PLCB1: variants seen among roughly 807,000 people sequenced by gnomAD.
The protein encoded by PLCB1 is 1-phosphatidylinositol 4,5-bisphosphate phosphodiesterase beta-1.
In PLCB1, 46 loss-of-function variants were observed where a neutral mutation model predicts 161.8. That is an observed-to-expected ratio of 0.28 (90% CI 0.22 to 0.36). PLCB1 has a LOEUF of 0.36. Among genes scored for constraint, PLCB1 ranks in the 10% least tolerant of loss-of-function variants. The pLI is 1.00. For missense variants in PLCB1, 1,016 were observed against 1,472.5 expected, an observed-to-expected ratio of 0.69 and a Z score of 5.07; for synonymous variants, 517 against 503.7, an observed-to-expected ratio of 1.03 and a Z score of -0.35.
chr20:8,462,961 A>G (rs1447471599), intron 3 of PLCB1, among the ~76,000 whole-genome samples: 1 of 152,042 alleles, frequency 6.6e-6, no homozygotes, highest in African/African-American at 2.4e-5. Context: ...ACCTTTCTAT[A>G]TTATTCCAAC....
At chr20:8,426,803 A>T (rs1290088009) in intron 3 of PLCB1, among the ~76,000 whole-genome samples, 2 of 152,238 alleles carry the variant, frequency 1.3e-5, no homozygotes, top group African/African-American at 4.8e-5. Context: ...ATAAACCTCA[A>T]ATATATACAA....
intron 31 of PLCB1, among the ~76,000 whole-genome samples, chr20:8,865,193 A>G (rs1352168050): frequency 1.3e-5 from 2 of 152,196 alleles, no homozygotes; most frequent in African/African-American, 4.8e-5. Context: ...AGAGATAAAC[A>G]TTGATGGAAA....
chr20:8,402,504 A>C (rs777936586), intron 3 of PLCB1, among the ~76,000 whole-genome samples: 1 of 152,040 alleles, frequency 6.6e-6, no homozygotes, highest in Non-Finnish European at 1.5e-5. Context: ...TTTTGACATA[A>C]TATTATGTAT....
intron 4 of PLCB1, among the ~76,000 whole-genome samples, chr20:8,638,131 C>T (rs535611799): frequency 6.6e-6 from 1 of 152,224 alleles, no homozygotes; most frequent in South Asian, 2.1e-4. Context: ...CCTGACCTCA[C>T]AATCCGCCCA....
At chr20:8,462,083 A>G (rs1324984569) in intron 3 of PLCB1, among the ~76,000 whole-genome samples, 3 of 151,902 alleles carry the variant, frequency 2.0e-5, no homozygotes, top group Non-Finnish European at 2.9e-5. Context: ...TATATATATA[A>G]ACGTATATAT....
chr20:8,223,182 T>C (rs1442519817), intron 2 of PLCB1, among the ~76,000 whole-genome samples: 2 of 152,188 alleles, frequency 1.3e-5, no homozygotes, highest in African/African-American at 4.8e-5. Context: ...ATGGAAGCCA[T>C]AGTTGCCCTG....
chr20:8,244,989 G>A (rs550608350), intron 2 of PLCB1, among the ~76,000 whole-genome samples: 11 of 151,162 alleles, frequency 7.3e-5, no homozygotes, highest in Admixed American at 7.3e-4. Context: ...TTGGAGGGGG[G>A]GATGTATGAC....
intron 3 of PLCB1, among the ~76,000 whole-genome samples, chr20:8,437,091 G>A (rs897761820): frequency 2.9e-4 from 44 of 152,036 alleles, no homozygotes; most frequent in African/African-American, 1.0e-3. Context: ...AGCCTGGTCC[G>A]TAACCATGGA....
chr20:8,401,738 A>T (rs1202551429), intron 3 of PLCB1, among the ~76,000 whole-genome samples: 1 of 152,204 alleles, frequency 6.6e-6, no homozygotes, highest in Non-Finnish European at 1.5e-5. Context: ...AAACAGCTAG[A>T]GAATCAAAGA....
Position 8,601,004 on chromosome 20 carries a change from ACTCC to A in PLCB1, c.247-27287_247-27284del, listed in dbSNP as rs1449475003. ...CACTGACCTGCGCCCACTGTCTGGC[ACTCC>A]CTAGTGAGATGAACCCGGTACCTCA... On this transcript the variant is annotated intron_variant, in intron 3 of 31. Coordinates refer to ENST00000338037, the MANE Select transcript of PLCB1 (RefSeq NM_015192.4). Among the ~76,000 whole-genome samples, 4 of 152,012 alleles carry A rather than the reference ACTCC, an allele frequency of 2.6e-5. No individual in the cohort carries two copies. The East Asian group carries it at 7.8e-4, about 30-fold the overall frequency.
intron 12 of PLCB1, among the ~76,000 whole-genome samples, chr20:8,710,490 G>C (rs981249702): frequency 2.8e-5 from 4 of 141,032 alleles, no homozygotes; most frequent in African/African-American, 1.0e-4. Flanking sequence ...TTATAGTTTC[G>C]ACTTGAGGAT....
chr20:8,598,558 GA>G (rs1987419191), intron 3 of PLCB1, among the ~76,000 whole-genome samples: 2 of 125,502 alleles, frequency 1.6e-5, no homozygotes, highest in South Asian at 3.0e-4. Context: ...GTGTGGTGCT[GA>G]AAAAAATGTA....
At chr20:8,434,384 A>G (rs1266472305) in intron 3 of PLCB1, among the ~76,000 whole-genome samples, 1 of 152,164 alleles carries the variant, frequency 6.6e-6, no homozygotes, top group African/African-American at 2.4e-5. Context: ...AAATCATAAA[A>G]TAATAATAAT....
At chr20:8,233,457 G>A (rs1206311997) in intron 2 of PLCB1, among the ~76,000 whole-genome samples, 1 of 152,082 alleles carries the variant, frequency 6.6e-6, no homozygotes, top group East Asian at 1.9e-4. Context: ...TAACCACTTG[G>A]TGAGGCAGAC....
intron 31 of PLCB1, chr20:8,802,222 C>A: frequency 1.1e-6 from 1 of 950,274 alleles, no homozygotes; most frequent in East Asian, 2.4e-5. Flanking sequence ...TGGTGTGTAG[C>A]CATCCAGTTT....
At chr20:8,839,769 G>T (rs537803961) in intron 31 of PLCB1, among the ~76,000 whole-genome samples, 1 of 151,244 alleles carries the variant, frequency 6.6e-6, no homozygotes, top group South Asian at 2.1e-4. Context: ...GCCAGGTGCG[G>T]TGGCTCACGC....
At chr20:8,147,872 G>GTT (rs559136150) in intron 1 of PLCB1, among the ~76,000 whole-genome samples, 2,665 of 130,422 alleles carry the variant, frequency 0.02, 57 homozygotes, top group Non-Finnish European at 0.029. Flanking sequence ...ATTTTGAAAA[G>GTT]TTTTTTTTTT....
At chr20:8,492,470 C>CTG (rs148780832) in intron 3 of PLCB1, among the ~76,000 whole-genome samples, 4 of 151,612 alleles carry the variant, frequency 2.6e-5, no homozygotes, top group South Asian at 2.1e-4. Context: ...TGCTTTTTCT[C>CTG]TGTGTGTGTG....
intron 31 of PLCB1, among the ~76,000 whole-genome samples, chr20:8,858,098 T>A (rs1364396545): frequency 2.0e-5 from 3 of 152,230 alleles, no homozygotes; most frequent in East Asian, 3.8e-4. Context: ...AATTTTTATT[T>A]AATTTTTATT....
Sources: allele counts gnomAD v4.1 joint callset (sites outside exome capture counted in the v4.1 genomes callset), GRCh38; gene constraint gnomAD v4.1.1; transcripts MANE v1.5; gene names NCBI Gene and HGNC (gene_info 2026-07-23, HGNC 2026-07-21).